ADGRB3: variants seen among roughly 807,000 people sequenced by gnomAD.
ADGRB3 encodes adhesion G protein-coupled receptor B3.
Under a neutral mutation model 193.4 loss-of-function variants are expected in ADGRB3, and 37 were observed. The ratio of observed to expected loss-of-function variants is 0.19; its 90% CI spans 0.15 to 0.25. The LOEUF (loss-of-function observed/expected upper bound fraction) is 0.25. Ranked by LOEUF, ADGRB3 falls within the 10% of genes least tolerant of loss-of-function variation. ADGRB3 has a pLI of 1.00. For synonymous variants in ADGRB3, 690 were observed against 644.2 expected, an observed-to-expected ratio of 1.07 and a Z score of -1.08; for missense variants, 1,637 against 1,852.9, an observed-to-expected ratio of 0.88 and a Z score of 2.14.
chr6:69,044,851 T>C (rs781023119), intron 13 of ADGRB3, among the ~76,000 whole-genome samples: 4 of 145,608 alleles, frequency 2.7e-5, no homozygotes, highest in Non-Finnish European at 4.5e-5. Flanking sequence ...AGATTTATTT[T>C]AAGTACTTTA....
At chr6:69,169,563 A>G (rs894258356) in intron 17 of ADGRB3, among the ~76,000 whole-genome samples, 1 of 150,206 alleles carries the variant, frequency 6.7e-6, no homozygotes, top group Non-Finnish European at 1.5e-5. Context: ...TTGTGATTAA[A>G]TTATCATTTA....
At chr6:69,156,378 G>A (rs945567461) in intron 17 of ADGRB3, among the ~76,000 whole-genome samples, 5 of 152,320 alleles carry the variant, frequency 3.3e-5, no homozygotes, top group African/African-American at 7.2e-5. Flanking sequence ...ATATCTGAAT[G>A]ATGAGAAGGA....
chr6:68,808,613 T>C (rs1276401846), intron 3 of ADGRB3, among the ~76,000 whole-genome samples: 2 of 152,154 alleles, frequency 1.3e-5, no homozygotes. Context: ...ATTACACATT[T>C]CATACTATCT....
rs1768826756 is a variant in ADGRB3, at chr6:68,978,933, A to G, written c.1734+3593A>G. 1.3e-5 allele frequency among the ~76,000 whole-genome samples: 2 copies of G among 151,384 alleles called. 1 individual carries two copies. Among genetic ancestry groups the G allele is most frequent in the Non-Finnish European group, 3.0e-5 (2 of 67,596 alleles). ...GAAACATAGATTACAATATATGTGT[A>G]TACCTACTTTATAAATATATAGCAA... On this transcript the variant is annotated intron_variant, in intron 10 of 31. Transcript: ENST00000370598.
chr6:68,798,294 A>G (rs1371592990), intron 3 of ADGRB3, among the ~76,000 whole-genome samples: 1 of 152,228 alleles, frequency 6.6e-6, no homozygotes, highest in East Asian at 1.9e-4. Context: ...TCTGTTCTGT[A>G]TCTTCATTTA....
At chr6:68,814,388 A>G (rs1001444571) in intron 3 of ADGRB3, among the ~76,000 whole-genome samples, 3 of 151,964 alleles carry the variant, frequency 2.0e-5, no homozygotes, top group Non-Finnish European at 4.4e-5. Context: ...TCCTTCACCC[A>G]CTTTTTGATG....
chr6:69,056,307 T>C (rs576317068), intron 15 of ADGRB3, among the ~76,000 whole-genome samples: 2 of 152,182 alleles, frequency 1.3e-5, no homozygotes, highest in Non-Finnish European at 2.9e-5. Flanking sequence ...CATATTTTAA[T>C]TTGATAATTT....
intron 3 of ADGRB3, among the ~76,000 whole-genome samples, chr6:68,733,161 C>T (rs933894076): frequency 9.3e-5 from 14 of 151,046 alleles, no homozygotes; most frequent in African/African-American, 3.4e-4. Context: ...CCCAAAAAGA[C>T]ATCTGTATTT....
At chr6:69,200,728 T>G (rs1765402240) in intron 17 of ADGRB3, among the ~76,000 whole-genome samples, 3 of 152,108 alleles carry the variant, frequency 2.0e-5, no homozygotes, top group Non-Finnish European at 4.4e-5. Context: ...ATTCCATGAC[T>G]GTGCCACAGA....
chr6:68,776,669 C>A (rs1050330496), intron 3 of ADGRB3, among the ~76,000 whole-genome samples: 1 of 152,004 alleles, frequency 6.6e-6, no homozygotes. Flanking sequence ...GGAGTCTAAA[C>A]GGAGCTAGCA....
At chr6:69,337,826 C>T (rs1768885508) in intron 24 of ADGRB3, among the ~76,000 whole-genome samples, 2 of 152,144 alleles carry the variant, frequency 1.3e-5, no homozygotes. Context: ...AAATTATGAG[C>T]ATCTTACAAC....
chr6:68,738,388 CATTTT>C (rs1156734512), intron 3 of ADGRB3, among the ~76,000 whole-genome samples: 1 of 151,990 alleles, frequency 6.6e-6, no homozygotes, highest in Non-Finnish European at 1.5e-5. Flanking sequence ...ATCTGACATA[CATTTT>C]AAATGGCCCA....
chr6:69,297,368 T>TTCTCTC (rs70987459), intron 20 of ADGRB3, among the ~76,000 whole-genome samples: 3 of 97,608 alleles, frequency 3.1e-5, no homozygotes, highest in African/African-American at 1.2e-4. Flanking sequence ...CTCTCTCTCT[T>TTCTCTC]TCTCTCTCTC....
intron 10 of ADGRB3, among the ~76,000 whole-genome samples, chr6:68,978,114 A>G (rs1363939062): frequency 6.6e-6 from 1 of 151,570 alleles, no homozygotes; most frequent in Non-Finnish European, 1.5e-5. Flanking sequence ...AACAAATGAG[A>G]TATGTGGAAT....
chr6:69,292,013 G>A lies in ADGRB3; in HGVS notation c.2815-32859G>A, dbSNP rs147876864. 2.8e-3 allele frequency among the ~76,000 whole-genome samples: 430 copies of A among 152,124 alleles called. 4 individuals are homozygous for A. The highest frequency in any genetic ancestry group is 9.9e-3 in the African/African-American group (411 of 41,498). ...AATCTGAAAAAACAAGCCTTGCCAA[G>A]TTTTCTCTAGTTTATTACCATTAGA... On this transcript the variant is annotated intron_variant, in intron 20 of 31. Transcript: ENST00000370598.
chr6:69,318,310 C>G (rs1291319287), intron 20 of ADGRB3, among the ~76,000 whole-genome samples: 1 of 151,314 alleles, frequency 6.6e-6, no homozygotes, highest in Non-Finnish European at 1.5e-5. Flanking sequence ...TGAATTATAT[C>G]AAATGCTTTC....
intron 3 of ADGRB3, among the ~76,000 whole-genome samples, chr6:68,755,936 CT>C (rs200177978): frequency 1.3e-5 from 2 of 151,930 alleles, no homozygotes; most frequent in African/African-American, 2.4e-5. Context: ...AAACAAAATA[CT>C]TTTTTTTCCA....
chr6:68,936,439 C>A, intron 4 of ADGRB3, 80 bp from the exon 5 acceptor site: 1 of 1,334,354 alleles, frequency 7.5e-7, no homozygotes, highest in Non-Finnish European at 1.0e-6. Context: ...TCTTGCATGT[C>A]ATAATGTCAG....
At chr6:68,728,367 A>T (rs940247008) in intron 3 of ADGRB3, among the ~76,000 whole-genome samples, 3 of 151,416 alleles carry the variant, frequency 2.0e-5, no homozygotes, top group Admixed American at 6.6e-5. Context: ...GCAGTCTATG[A>T]AAACCACAAA....
Sources: gnomAD v4.1 joint callset for allele counts (sites outside exome capture counted in the v4.1 genomes callset) on GRCh38, gnomAD v4.1.1 for gene constraint, MANE v1.5 for transcripts, NCBI Gene and HGNC (gene_info 2026-07-23, HGNC 2026-07-21) for gene names.